ANXA4: variants seen among roughly 807,000 people sequenced by gnomAD.
The protein encoded by ANXA4 is 35-beta calcimedin.
In ANXA4, 39 loss-of-function variants were observed where a neutral mutation model predicts 49.8. The ratio of observed to expected loss-of-function variants is 0.78; its 90% CI spans 0.61 to 1.02. ANXA4 has a LOEUF of 1.02. Among genes scored for constraint, ANXA4 ranks in the 50% least tolerant of loss-of-function variants. The probability of loss-of-function intolerance (pLI) is 0.00; values close to 1 mark genes in which losing one functional copy is unlikely to be tolerated. For missense variants in ANXA4, 360 were observed against 410.1 expected, an observed-to-expected ratio of 0.88 and a Z score of 1.05; for synonymous variants, 134 against 152.5, an observed-to-expected ratio of 0.88 and a Z score of 0.89.
intron 10 of ANXA4, among the ~76,000 whole-genome samples, 180 bp downstream of exon 10, chr2:69,818,874 C>T (rs1490414657): frequency 1.3e-5 from 2 of 152,096 alleles, no homozygotes; most frequent in Non-Finnish European, 2.9e-5. Context: ...GCTATTGTGC[C>T]ATGTGGTTTA....
In ANXA4 at chr2:69,826,465, C is replaced by A. The variant is rs758053821; in HGVS notation, c.*950C>A. On this transcript the variant is annotated 3_prime_UTR_variant, in exon 13 of 13. Transcript: ENST00000394295. The stretch of plus-strand genomic sequence containing the variant: ...AATTAAAAAGTTCACTTTGTAAGAA[C>A]GTGGAAAAATAATTTTAATTTAAAA... 2 of 152,348 alleles carry A rather than the reference C, an allele frequency of 1.3e-5. No individual in the cohort carries two copies. Among genetic ancestry groups the A allele is most frequent in the Non-Finnish European group, 2.9e-5 (2 of 68,016 alleles). 9.4% of individuals were successfully genotyped at this position (152,348 alleles called of 1,614,324 possible). A position where few individuals can be genotyped will look rare whatever the true frequency, so the allele number is the denominator to read the frequency against.
chr2:69,695,597 G>C (rs747057524), intron 2 of ANXA4, among the ~76,000 whole-genome samples: 3 of 152,204 alleles, frequency 2.0e-5, no homozygotes, highest in Non-Finnish European at 4.4e-5. Context: ...AAACCACGCT[G>C]GGGAGAGCTG....
intron 1 of ANXA4, among the ~76,000 whole-genome samples, chr2:69,647,423 T>TA (rs1553425496): frequency 7.4e-5 from 11 of 148,160 alleles, no homozygotes; most frequent in African/African-American, 2.3e-4. Context: ...TTTATTTATT[T>TA]TTTGAGACAG....
At chr2:69,714,945 A>G (rs564815709) in intron 2 of ANXA4, among the ~76,000 whole-genome samples, 18 of 152,316 alleles carry the variant, frequency 1.2e-4, no homozygotes, top group African/African-American at 3.9e-4. Flanking sequence ...AGTGAAGTCA[A>G]GTAACAGATG....
chr2:69,791,646 G>A (rs1672693984), intron 3 of ANXA4, among the ~76,000 whole-genome samples: 1 of 152,182 alleles, frequency 6.6e-6, no homozygotes, highest in African/African-American at 2.4e-5. Context: ...TATTAGTTCA[G>A]TTCATTCCAT....
intron 1 of ANXA4, among the ~76,000 whole-genome samples, chr2:69,757,262 A>T (rs74183138): frequency 2.8e-4 from 14 of 50,246 alleles, no homozygotes; most frequent in Non-Finnish European, 3.6e-4. Context: ...ATATATATAT[A>T]TATATTTTTT....
At chr2:69,722,049 G>A (rs1046022705) in intron 3 of ANXA4, among the ~76,000 whole-genome samples, 1 of 151,904 alleles carries the variant, frequency 6.6e-6, no homozygotes, top group African/African-American at 2.4e-5. Context: ...AGGGTCATTG[G>A]GAAGATTAAA....
chr2:69,790,979 G>A (rs1275655212), intron 3 of ANXA4, among the ~76,000 whole-genome samples: 1 of 152,092 alleles, frequency 6.6e-6, no homozygotes, highest in African/African-American at 2.4e-5. Flanking sequence ...TCCTATACTT[G>A]GCCTAATTAT....
chr2:69,821,555 C>G (rs970253321), intron 12 of ANXA4, among the ~76,000 whole-genome samples: 1 of 152,096 alleles, frequency 6.6e-6, no homozygotes, highest in Non-Finnish European at 1.5e-5. Context: ...CTGCAACCTC[C>G]ACCTCCTAGG....
intron 3 of ANXA4, among the ~76,000 whole-genome samples, chr2:69,794,537 G>A (rs547254178): frequency 1.5e-4 from 19 of 126,592 alleles, no homozygotes; most frequent in Non-Finnish European, 3.3e-4. Flanking sequence ...GTTATGTTAT[G>A]TTATGTTATG....
intron 12 of ANXA4, among the ~76,000 whole-genome samples, chr2:69,824,661 C>T (rs187853425): frequency 2.3e-4 from 35 of 152,064 alleles, no homozygotes; most frequent in African/African-American, 7.2e-4. Flanking sequence ...ATTGAAACAA[C>T]GTAAATATCC....
At chr2:69,739,006 A>G (rs1277241284), upstream of ANXA4, among the ~76,000 whole-genome samples, 4 of 152,242 alleles carry the variant, frequency 2.6e-5, no homozygotes, top group East Asian at 1.9e-4. Context: ...GAACACCTCA[A>G]CTACATCTGA....
upstream of ANXA4, among the ~76,000 whole-genome samples, chr2:69,738,951 A>T (rs924044920): frequency 1.3e-5 from 2 of 152,192 alleles, no homozygotes; most frequent in African/African-American, 2.4e-5. Flanking sequence ...GTTTTATGTA[A>T]CCTTCAAGTG....
At chr2:69,819,457 A>G (rs1318191447) in intron 11 of ANXA4, 119 bp downstream of exon 11, 2 of 688,398 alleles carry the variant, frequency 2.9e-6, no homozygotes, top group African/African-American at 3.6e-5. Context: ...AATTCATCAA[A>G]TACTTCAGTG....
chr2:69,656,313 GTA>G (rs367863366), intron 2 of ANXA4, among the ~76,000 whole-genome samples: 1,813 of 74,154 alleles, frequency 0.024, 97 homozygotes, highest in African/African-American at 0.065. Flanking sequence ...ATGTATATAT[GTA>G]TATATATGTA....
chr2:69,661,993 A>C (rs1410250972), intron 2 of ANXA4, among the ~76,000 whole-genome samples: 2 of 152,150 alleles, frequency 1.3e-5, no homozygotes, highest in African/African-American at 2.4e-5. Flanking sequence ...TTGCCTAAAA[A>C]ACCACCCCAA....
intron 1 of ANXA4, among the ~76,000 whole-genome samples, chr2:69,748,166 G>C (rs144326001): frequency 0.044 from 6,738 of 151,918 alleles, 308 homozygotes; most frequent in African/African-American, 0.11. Flanking sequence ...ACGAGGTCAG[G>C]AGATTGAGAC....
intron 9 of ANXA4, 197 bp downstream of exon 9, chr2:69,816,391 A>G: frequency 2.0e-6 from 1 of 498,704 alleles, no homozygotes; most frequent in East Asian, 3.2e-5. Flanking sequence ...TTAATTATGA[A>G]TAATTAGAAA....
intron 2 of ANXA4, among the ~76,000 whole-genome samples, chr2:69,709,519 T>C (rs918877942): frequency 6.6e-6 from 1 of 152,220 alleles, no homozygotes; most frequent in Non-Finnish European, 1.5e-5. Context: ...CTTCTAAGTA[T>C]TCAAGGCATG....
Sources: allele counts gnomAD v4.1 joint callset (sites outside exome capture counted in the v4.1 genomes callset), GRCh38; gene constraint gnomAD v4.1.1; transcripts MANE v1.5; gene names NCBI Gene and HGNC (gene_info 2026-07-23, HGNC 2026-07-21).